The following RNF214 variants were observed in gnomAD, a reference collection of about 807,000 sequenced individuals.
RNF214 encodes the protein ring finger protein 214.
RNF214 carries 25 observed loss-of-function variants against 75.9 expected under a neutral mutation model. The observed-to-expected ratio is 0.33, with a 90% CI of 0.24 to 0.46. The LOEUF (loss-of-function observed/expected upper bound fraction) is 0.46, where lower values mean the gene tolerates loss of function less well. Ranked by LOEUF, RNF214 falls within the 20% of genes least tolerant of loss-of-function variation. RNF214 has a pLI of 1.00. For synonymous variants in RNF214, 314 were observed against 308.8 expected, an observed-to-expected ratio of 1.02 and a Z score of -0.18; for missense variants, 725 against 857.5, an observed-to-expected ratio of 0.85 and a Z score of 1.93.
Position 117,281,367 on chromosome 11 carries a change from G to A in RNF214, c.1199G>A (p.Arg400Lys), listed in dbSNP as rs774259127. Residue 400 changes from arginine (R) to lysine (K), a missense_variant, in exon 9 of 15, where the codon AGA becomes AAA. Coordinates refer to ENST00000300650, the MANE Select transcript of RNF214 (RefSeq NM_207343.4). Reference protein sequence around the residue: ...TVRSKQEWETRLNGVRIMKKN... With the variant: ...TVRSKQEWETKLNGVRIMKKN... ...CGTTCCAAACAGGAGTGGGAGACGA[G>A]ACTGAATGGAGTTCGGATAATGAAA... 3.0e-5 allele frequency: 48 copies of A among 1,613,562 alleles called. No individual in the cohort carries two copies. The highest frequency in any genetic ancestry group is 3.7e-5 in the Non-Finnish European group (44 of 1,179,652).
chr11:117,239,547 C>T (rs564826223), intron 3 of RNF214: 10 of 512,108 alleles, frequency 2.0e-5, no homozygotes, highest in African/African-American at 3.8e-5. Context: ...AGAGGGCAGA[C>T]GTCTCATCTC....
intron 2 of RNF214, among the ~76,000 whole-genome samples, chr11:117,237,637 G>T (rs951797654): frequency 2.0e-5 from 3 of 152,058 alleles, no homozygotes. Context: ...TTCAGCCTGG[G>T]TGACAAAGTG....
In RNF214 at chr11:117,283,317, CTT is replaced by C. The variant is rs34158147; in HGVS notation, c.2046+110_2046+111del. On this transcript the variant is annotated intron_variant, in intron 14 of 14. Transcript: ENST00000300650. Reference sequence around the variant, plus strand: ...TTTTTTTCCCTGACAGCTAAAATAACTTTTCTTTTACTGTGTTGGTGCTCATC... The same window carrying C: ...TTTTTTTCCCTGACAGCTAAAATAACTTCTTTTACTGTGTTGGTGCTCATC... The C allele has an allele frequency of 4.0e-6, 3 of 752,188 alleles. No homozygotes were observed. The African/African-American group carries it at 5.3e-5, about 13-fold the overall frequency. The allele number at this position is 752,188 out of a possible 1,614,324, so 46.6% of individuals were successfully genotyped here. A position where few individuals can be genotyped will look rare whatever the true frequency, so the allele number is the denominator to read the frequency against.
intron 2 of RNF214, among the ~76,000 whole-genome samples, chr11:117,235,884 AT>A (rs548747401): frequency 6.8e-4 from 103 of 152,102 alleles, no homozygotes; most frequent in African/African-American, 2.4e-3. Flanking sequence ...CCTTTTGAAT[AT>A]TTTCAGTCCA....
chr11:117,239,781 A>G lies in RNF214; in HGVS notation c.619-20A>G, dbSNP rs377476578. On this transcript the variant is annotated intron_variant, in intron 3 of 14. Transcript: ENST00000300650. The stretch of plus-strand genomic sequence containing the variant: ...AAAGTGTCTCTGAACGATTCTAAAT[A>G]TAACTTTTTTCCTTTATAGACTGAC... The G allele has an allele frequency of 2.2e-5, 31 of 1,385,022 alleles. No homozygotes were observed. The highest frequency in any genetic ancestry group is 9.9e-5 in the African/African-American group (7 of 70,470). The allele number at this position is 1,385,022 out of a possible 1,614,324, so 85.8% of individuals were successfully genotyped here.
At chr11:117,277,271 G>A (rs7925044) in intron 6 of RNF214, among the ~76,000 whole-genome samples, 109,758 of 152,018 alleles carry the variant, frequency 0.72, 41,281 homozygotes, top group East Asian at 0.95. Flanking sequence ...TGAACCTGGG[G>A]GGTGGAGGTT....
In RNF214 at chr11:117,246,886, G is replaced by A. The variant is rs1436774139; in HGVS notation, c.897G>A (p.Glu299=). The change falls in exon 6 of 15, where the codon GAG becomes GAA. Residue 299 remains glutamate (E), a synonymous_variant. Transcript: ENST00000300650. ...TKKKIEKEKK[E]FLQKEQDLKA... is the part of the protein sequence containing the mutation. ...AGAAGATAGAGAAAGAGAAGAAGGA[G>A]TTTTTGCAGAAGGAGCAGGATCTGA... 2 of 1,613,290 alleles carry A rather than the reference G, an allele frequency of 1.2e-6. No individual in the cohort carries two copies. The highest frequency in any genetic ancestry group is 1.1e-5 in the South Asian group (1 of 90,966).
At chr11:117,266,012 G>A (rs2033788452) in intron 6 of RNF214, among the ~76,000 whole-genome samples, 1 of 152,122 alleles carries the variant, frequency 6.6e-6, no homozygotes. Context: ...ATATTTTTGA[G>A]ATTCATCCAT....
At chr11:117,277,624 T>C (rs2034039608) in intron 6 of RNF214, among the ~76,000 whole-genome samples, 1 of 152,208 alleles carries the variant, frequency 6.6e-6, no homozygotes, top group African/African-American at 2.4e-5. Flanking sequence ...TGCTCTCTTT[T>C]GTATATGTAA....
chr11:117,238,478 T>C (rs569150939), intron 2 of RNF214, 123 bp from the exon 3 acceptor site: 85 of 862,730 alleles, frequency 9.9e-5, no homozygotes, highest in East Asian at 4.9e-4. Flanking sequence ...ATAGAAATCA[T>C]TGGATTGAAA....
intron 6 of RNF214, among the ~76,000 whole-genome samples, chr11:117,260,472 T>C (rs114937112): frequency 0.011 from 1,622 of 152,304 alleles, 22 homozygotes; most frequent in African/African-American, 0.035. Flanking sequence ...GGTGTAATTC[T>C]GAATACTATT....
intron 6 of RNF214, among the ~76,000 whole-genome samples, chr11:117,269,767 T>TA (rs150573959): frequency 0.011 from 1,622 of 152,308 alleles, 21 homozygotes; most frequent in African/African-American, 0.034. Flanking sequence ...TGGTTTGACT[T>TA]ACGATTTTTC....
In RNF214 at chr11:117,282,803, A is replaced by G. The variant is rs372440280; in HGVS notation, c.1903A>G (p.Met635Val). 5.6e-5 allele frequency: 90 copies of G among 1,613,986 alleles called. No individual in the cohort carries two copies. Among genetic ancestry groups the G allele is most frequent in the African/African-American group, 3.3e-4 (25 of 74,898 alleles). The change falls in exon 13 of 15, where the codon ATG becomes GTG. Residue 635 changes from methionine (M) to valine (V), a missense_variant. Transcript: ENST00000300650. ...PAPLAQISTP[M>V]FLPSAQVSYP... is the part of the protein sequence containing the mutation. Reference sequence around the variant, plus strand: ...TCCACTGGCCCAAATCAGTACCCCAATGTTCTTGCCTTCTGCCCAAGTTTC... The same window carrying G: ...TCCACTGGCCCAAATCAGTACCCCAGTGTTCTTGCCTTCTGCCCAAGTTTC...
In RNF214 at chr11:117,238,665, A is replaced by G. The variant is rs1217432560; in HGVS notation, c.172A>G (p.Thr58Ala). ...PLLSVSSQTI[T>A]KENNRNVHLE... ...GTTGAGTGTAAGTAGCCAAACAATAACCAAGGAGAATAACAGAAATGTCCA... is the reference window on the plus strand; with the variant it reads ...GTTGAGTGTAAGTAGCCAAACAATAGCCAAGGAGAATAACAGAAATGTCCA... Residue 58 changes from threonine to alanine, a missense_variant, in exon 3 of 15, where the codon ACC becomes GCC. Coordinates refer to ENST00000300650, the MANE Select transcript of RNF214 (RefSeq NM_207343.4). The G allele has an allele frequency of 6.2e-7, 1 of 1,614,080 alleles. No homozygotes were observed. Among genetic ancestry groups the G allele is most frequent in the East Asian group, 2.2e-5 (1 of 44,898 alleles).
At chr11:117,282,893 G>T (rs1361747848) in intron 13 of RNF214, 43 bp downstream of exon 13, 3 of 1,481,096 alleles carry the variant, frequency 2.0e-6, no homozygotes, top group Non-Finnish European at 2.8e-6. Flanking sequence ...GGAGAAGCTG[G>T]AGGTGAGGAA....
chr11:117,255,158 CTCT>C (rs1222520145), intron 6 of RNF214, among the ~76,000 whole-genome samples: 1 of 152,216 alleles, frequency 6.6e-6, no homozygotes, highest in Non-Finnish European at 1.5e-5. Context: ...TCCACCATTT[CTCT>C]TCTTACCCTT....
intron 2 of RNF214, among the ~76,000 whole-genome samples, chr11:117,236,304 T>A (rs1050814379): frequency 2.2e-4 from 33 of 151,500 alleles, no homozygotes; most frequent in African/African-American, 8.0e-4. Context: ...GATGGCATCT[T>A]GCTCCGTCAC....
rs1332847801 is a variant in RNF214, at chr11:117,238,748, C to T, written c.255C>T (p.His85=). 2 of 1,614,134 alleles carry T rather than the reference C, an allele frequency of 1.2e-6. No individual in the cohort carries two copies. Among genetic ancestry groups the T allele is most frequent in the Admixed American group, 3.3e-5 (2 of 60,008 alleles). ...CAGCAGGTGACACCTCAGCAGCGCACCAGGTGGTTTTAGGAGAAAACTTGA... is the reference window on the plus strand; with the variant it reads ...CAGCAGGTGACACCTCAGCAGCGCATCAGGTGGTTTTAGGAGAAAACTTGA... ...GSSAGDTSAA[H]QVVLGENLIA... is the part of the protein sequence containing the mutation. Residue 85 remains histidine (H), a synonymous_variant, in exon 3 of 15, where the codon CAC becomes CAT. Transcript: ENST00000300650.
Position 117,280,165 on chromosome 11 carries a change from C to T in RNF214, c.1057-6C>T, listed in dbSNP as rs569891639. 6.2e-6 allele frequency: 10 copies of T among 1,608,958 alleles called. No individual in the cohort carries two copies. The highest frequency in any genetic ancestry group is 8.5e-6 in the Non-Finnish European group (10 of 1,175,820). On this transcript the variant is annotated splice_region_variant and splice_polypyrimidine_tract_variant and intron_variant, in intron 7 of 14. Coordinates refer to ENST00000300650, the MANE Select transcript of RNF214 (RefSeq NM_207343.4). ...TAAAGTATTTATATGTGTGTGGCTT[C>T]CTTAGATCTTATCACTAGAGAGCCG...
Sources: gnomAD v4.1 joint callset for allele counts (sites outside exome capture counted in the v4.1 genomes callset) on GRCh38, gnomAD v4.1.1 for gene constraint, MANE v1.5 for transcripts, NCBI Gene and HGNC (gene_info 2026-07-23, HGNC 2026-07-21) for gene names.